RARS2: variants seen among roughly 807,000 people sequenced by gnomAD.
The protein encoded by RARS2 is arginyl-tRNA synthetase 2, mitochondrial, also known as probable arginine--tRNA ligase, mitochondrial.
RARS2 carries 67 observed loss-of-function variants against 88.5 expected under a neutral mutation model. The observed-to-expected ratio is 0.76, with a 90% CI of 0.62 to 0.93. RARS2 has a LOEUF of 0.93. Among genes scored for constraint, RARS2 ranks in the 40% least tolerant of loss-of-function variants. The pLI, the probability that RARS2 is intolerant of heterozygous loss-of-function variation, is 0.00. For missense variants in RARS2, 664 were observed against 684.2 expected (o/e 0.97, Z 0.33); for synonymous variants, 239 against 230.3 (o/e 1.04, Z -0.34).
chr6:87,525,494 T>A (rs62417663), intron 10 of RARS2, among the ~76,000 whole-genome samples: 8,985 of 152,054 alleles, frequency 0.059, 308 homozygotes, highest in African/African-American at 0.1. Flanking sequence ...AATAAATGAA[T>A]TTCATAAAGT....
chr6:87,572,825 A>G (rs1421305284), intron 1 of RARS2, among the ~76,000 whole-genome samples: 1 of 152,208 alleles, frequency 6.6e-6, no homozygotes, highest in Non-Finnish European at 1.5e-5. Context: ...TTTATACCAG[A>G]AAACTCTAAG....
chr6:87,541,465 T>C (rs1780934019), intron 8 of RARS2, among the ~76,000 whole-genome samples: 1 of 151,802 alleles, frequency 6.6e-6, no homozygotes, highest in Non-Finnish European at 1.5e-5. Context: ...TGTGAGTCAC[T>C]GTGCCCAGCC....
intron 6 of RARS2, 117 bp from the exon 7 acceptor site, chr6:87,545,816 A>G: frequency 8.1e-7 from 1 of 1,230,680 alleles, no homozygotes; most frequent in East Asian, 2.5e-5. Context: ...AAATTTACCA[A>G]CTCAATGTTT....
In RARS2 at chr6:87,523,974, GAAGTT is replaced by G. The variant is rs1774839224; in HGVS notation, c.974+578_974+582del. Among the ~76,000 whole-genome samples, 4 of 152,186 alleles carry G rather than the reference GAAGTT, an allele frequency of 2.6e-5. No homozygotes were observed. The South Asian group carries it at 8.3e-4, about 31-fold the overall frequency. On this transcript the variant is annotated intron_variant, in intron 11 of 19. Coordinates refer to ENST00000369536, the MANE Select transcript of RARS2 (RefSeq NM_020320.5). ...AGGTAAGAGATGAATTTCCTAAGGG[GAAGTT>G]AAAAGACTTAATTGGTTGCTTAAAG... is the stretch of plus-strand genomic sequence containing the variant.
intron 1 of RARS2, among the ~76,000 whole-genome samples, chr6:87,579,601 G>T (rs756102909): frequency 6.7e-6 from 1 of 149,926 alleles, no homozygotes; most frequent in Non-Finnish European, 1.5e-5. Flanking sequence ...AATGCCCAAA[G>T]TAGTGAATGT....
At chr6:87,549,566 C>A (rs1023195179) in intron 5 of RARS2, among the ~76,000 whole-genome samples, 2 of 147,578 alleles carry the variant, frequency 1.4e-5, no homozygotes, top group Non-Finnish European at 3.0e-5. Context: ...AAAAAAAAAA[C>A]ATGTAAAAAT....
intron 1 of RARS2, among the ~76,000 whole-genome samples, chr6:87,576,900 T>C (rs565665367): frequency 1.6e-3 from 246 of 152,332 alleles, no homozygotes; most frequent in Non-Finnish European, 2.7e-3. Flanking sequence ...CTTTACTTTG[T>C]AGTCACATTA....
chr6:87,553,362 A>T (rs921824417), intron 5 of RARS2, among the ~76,000 whole-genome samples: 4 of 152,130 alleles, frequency 2.6e-5, no homozygotes, highest in Non-Finnish European at 4.4e-5. Flanking sequence ...CCATTTCCTA[A>T]TCCATGGTGT....
intron 5 of RARS2, among the ~76,000 whole-genome samples, chr6:87,550,774 T>C (rs1361182816): frequency 2.0e-5 from 3 of 146,916 alleles, no homozygotes; most frequent in Non-Finnish European, 4.5e-5. Flanking sequence ...CCTGGATGCA[T>C]TCATATTAAA....
intron 11 of RARS2, among the ~76,000 whole-genome samples, chr6:87,523,913 T>G (rs530418305): frequency 1.3e-5 from 2 of 152,126 alleles, no homozygotes; most frequent in African/African-American, 2.4e-5. Flanking sequence ...CCCAATTGCA[T>G]AGAAATGGTA....
intron 1 of RARS2, among the ~76,000 whole-genome samples, chr6:87,584,326 G>C (rs1774484975): frequency 6.6e-6 from 1 of 152,112 alleles, no homozygotes; most frequent in Non-Finnish European, 1.5e-5. Context: ...ACCATCCATG[G>C]AACAGTGGTA....
At chr6:87,527,174 T>C (rs1340004212) in intron 10 of RARS2, among the ~76,000 whole-genome samples, 1 of 151,870 alleles carries the variant, frequency 6.6e-6, no homozygotes, top group Non-Finnish European at 1.5e-5. Context: ...CTGGGTATGG[T>C]GGCACGCGCT....
At chr6:87,573,702 A>G (rs12529993) in intron 1 of RARS2, among the ~76,000 whole-genome samples, 2 of 151,880 alleles carry the variant, frequency 1.3e-5, no homozygotes, top group Non-Finnish European at 2.9e-5. Flanking sequence ...AAAACACACA[A>G]AAAAAAACCA....
intron 11 of RARS2, 112 bp downstream of exon 11, chr6:87,524,445 G>T: frequency 2.3e-6 from 2 of 885,042 alleles, no homozygotes; most frequent in Non-Finnish European, 1.9e-6. Flanking sequence ...ACAGTTTATA[G>T]AATAATGTCA....
intron 7 of RARS2, among the ~76,000 whole-genome samples, chr6:87,543,977 C>T (rs1781839916): frequency 6.6e-6 from 1 of 152,150 alleles, no homozygotes; most frequent in Non-Finnish European, 1.5e-5. Context: ...TAATTCTGTG[C>T]TTAGAAACTG....
chr6:87,523,494 C>A (rs1019551279), intron 11 of RARS2, among the ~76,000 whole-genome samples: 1 of 151,844 alleles, frequency 6.6e-6, no homozygotes, highest in Non-Finnish European at 1.5e-5. Context: ...CAATAAGTGG[C>A]AAAAAGACAA....
At position 87,521,502 on chromosome 6, in the gene RARS2, G is replaced by C. The variant is rs927427873; in HGVS notation, c.997C>G (p.Arg333Gly). The C allele has an allele frequency of 1.6e-5, 25 of 1,611,878 alleles. No individual in the cohort carries two copies. The highest frequency in any genetic ancestry group is 2.0e-5 in the Non-Finnish European group (24 of 1,178,548). ...GTATCAAAATTATACTTGTCCATTC[G>C]ATCTATAGCAGCTGCAAGATCTCTG... ...ATRDLAAAID[R>G]MDKYNFDTMI... Residue 333 changes from arginine to glycine, a missense_variant, in exon 12 of 20, where the codon CGA becomes GGA. Arg to Gly is a moderately radical substitution (Grantham distance 125). Coordinates refer to ENST00000369536, the MANE Select transcript of RARS2 (RefSeq NM_020320.5).
Position 87,521,536 on chromosome 6 carries a change from T to G in RARS2, c.975-12A>C. Reference sequence around the variant, plus strand: ...CAGCTGCAAGATCTCTGAAACAAAGTGGCCATAAACCAAGAGTTACTAAGC... The same window carrying G: ...CAGCTGCAAGATCTCTGAAACAAAGGGGCCATAAACCAAGAGTTACTAAGC... On this transcript the variant is annotated splice_polypyrimidine_tract_variant and intron_variant, in intron 11 of 19. Coordinates refer to ENST00000369536, the MANE Select transcript of RARS2 (RefSeq NM_020320.5). 1 of 1,610,496 alleles carries G rather than the reference T, an allele frequency of 6.2e-7. No individual in the cohort carries two copies. The highest frequency in any genetic ancestry group is 2.2e-5 in the East Asian group (1 of 44,748).
At chr6:87,538,736 A>T (rs190839395) in intron 8 of RARS2, among the ~76,000 whole-genome samples, 19 of 152,190 alleles carry the variant, frequency 1.2e-4, no homozygotes, top group African/African-American at 4.6e-4. Flanking sequence ...ATTGTTATTT[A>T]AAAAATTAAA....
Sources: allele counts gnomAD v4.1 joint callset (sites outside exome capture counted in the v4.1 genomes callset), GRCh38; gene constraint gnomAD v4.1.1; transcripts MANE v1.5; gene names NCBI Gene and HGNC (gene_info 2026-07-23, HGNC 2026-07-21).